TENM2: variants seen among roughly 807,000 people sequenced by gnomAD.
TENM2 encodes teneurin-2.
TENM2 carries 52 observed loss-of-function variants against 245.2 expected under a neutral mutation model. The observed-to-expected ratio is 0.21, with a 90% CI of 0.17 to 0.27. The LOEUF (loss-of-function observed/expected upper bound fraction) is 0.27, where lower values mean the gene tolerates loss of function less well. Among genes scored for constraint, TENM2 ranks in the 10% least tolerant of loss-of-function variants. The pLI is 1.00. For synonymous variants in TENM2, 1,363 were observed against 1,438.9 expected (o/e 0.95, Z 1.19); for missense variants, 3,046 against 3,666.8 (o/e 0.83, Z 4.37).
At chr5:167,997,489 T>C (rs1229679684) in intron 5 of TENM2, among the ~76,000 whole-genome samples, 2 of 152,204 alleles carry the variant, frequency 1.3e-5, no homozygotes, top group Non-Finnish European at 2.9e-5. Flanking sequence ...TCTTGTGTTA[T>C]AGAGGTCAGC....
At chr5:167,675,745 G>A (rs1343509273) in intron 2 of TENM2, among the ~76,000 whole-genome samples, 1 of 152,200 alleles carries the variant, frequency 6.6e-6, no homozygotes, top group East Asian at 1.9e-4. Context: ...AGCTCAAAGG[G>A]AGTAAATGAG....
chr5:168,122,349 T>A (rs1795527956), intron 10 of TENM2, among the ~76,000 whole-genome samples: 1 of 152,304 alleles, frequency 6.6e-6, no homozygotes, highest in East Asian at 1.9e-4. Flanking sequence ...GCTAATTTTT[T>A]GTATTTTTAG....
chr5:168,182,259 T>C (rs569519664), intron 13 of TENM2, among the ~76,000 whole-genome samples: 1 of 152,342 alleles, frequency 6.6e-6, no homozygotes, highest in South Asian at 2.1e-4. Flanking sequence ...TCAATTATCC[T>C]CACTTCCAAC....
chr5:168,048,621 T>C (rs763072326), intron 6 of TENM2, among the ~76,000 whole-genome samples: 9 of 152,310 alleles, frequency 5.9e-5, no homozygotes, highest in South Asian at 4.1e-4. Context: ...CTGTGCATCT[T>C]TGGGCAGGAG....
chr5:168,090,218 CCACACACACACACACACACA>C (rs3083413), intron 7 of TENM2, among the ~76,000 whole-genome samples: 2 of 136,722 alleles, frequency 1.5e-5, no homozygotes, highest in African/African-American at 5.5e-5. Flanking sequence ...ACTCCCCCCA[CCACACACACACACACACACA>C]CACACACACA....
the TENM2 span, among the ~76,000 whole-genome samples, chr5:167,007,078 T>C: frequency 7.3e-4 from 111 of 152,342 alleles, no homozygotes; most frequent in African/African-American, 2.5e-3. This position sits in a 1 kb window ranked among gnomAD's most constrained non-coding sequence, Gnocchi z 4.2. Flanking sequence ...TTAATGCATT[T>C]TAATTCATTT....
intron 13 of TENM2, among the ~76,000 whole-genome samples, chr5:168,183,798 T>C (rs1760141771): frequency 7.1e-6 from 1 of 141,282 alleles, no homozygotes; most frequent in South Asian, 2.2e-4. Context: ...TAGCTCTGTA[T>C]AGGTAAAAAA....
the TENM2 span, among the ~76,000 whole-genome samples, chr5:167,101,849 T>TTTATATATATATATATATATATA: frequency 2.9e-5 from 2 of 69,454 alleles, no homozygotes; most frequent in Non-Finnish European, 5.3e-5. Flanking sequence ...ATATATATAT[T>TTTATATATATATATATATATATA]TATATATATA....
intron 26 of TENM2, 29 bp from the exon 29 acceptor site, chr5:168,246,728 T>A (rs779944593): frequency 1.2e-6 from 2 of 1,603,252 alleles, no homozygotes; most frequent in South Asian, 2.2e-5. Flanking sequence ...AGCCAACTGA[T>A]ATGTTCTGTT....
At chr5:167,240,259 T>C in the TENM2 span, among the ~76,000 whole-genome samples, 1 of 142,644 alleles carries the variant, frequency 7.0e-6, no homozygotes, top group Non-Finnish European at 1.5e-5. Context: ...GTAGGTGGCC[T>C]TTTTTTTTTT....
chr5:168,062,215 G>A (rs764193780), exon 7 of TENM2: 1 of 1,613,570 alleles, frequency 6.2e-7, no homozygotes, highest in Non-Finnish European at 8.5e-7. Context: ...CGGGAAGGAC[G>A]CTCTCTTTGG....
chr5:166,987,072 C>T, the TENM2 span, among the ~76,000 whole-genome samples: 3 of 152,080 alleles, frequency 2.0e-5, no homozygotes, highest in Admixed American at 2.0e-4. Flanking sequence ...GATTTTTCAC[C>T]CAGCTATTCC....
the TENM2 span, among the ~76,000 whole-genome samples, chr5:167,148,290 T>A: frequency 2.0e-5 from 3 of 152,222 alleles, no homozygotes; most frequent in Non-Finnish European, 4.4e-5. Context: ...TGCATACTTT[T>A]TCCCCTATGA....
chr5:168,150,857 G>C (rs1173119086), intron 12 of TENM2, among the ~76,000 whole-genome samples: 1 of 152,124 alleles, frequency 6.6e-6, no homozygotes, highest in Non-Finnish European at 1.5e-5. Context: ...TTATGACCCT[G>C]GGAAAGTTAA....
chr5:167,069,069 AAAG>A, the TENM2 span, among the ~76,000 whole-genome samples: 1 of 152,134 alleles, frequency 6.6e-6, no homozygotes, highest in African/African-American at 2.4e-5. Flanking sequence ...TATTCATTAG[AAAG>A]AAGTCAACTA....
At chr5:167,455,162 T>G (rs1440757439) in intron 2 of TENM2, among the ~76,000 whole-genome samples, 1 of 152,192 alleles carries the variant, frequency 6.6e-6, no homozygotes, top group East Asian at 1.9e-4. Context: ...GACTCATTAA[T>G]GTTTAATTCT....
At chr5:166,990,764 G>C in the TENM2 span, among the ~76,000 whole-genome samples, 66 of 152,254 alleles carry the variant, frequency 4.3e-4, no homozygotes, top group Admixed American at 4.3e-3. Flanking sequence ...TTACTTTTCT[G>C]TTAAATAGTT....
intron 2 of TENM2, among the ~76,000 whole-genome samples, chr5:167,793,404 ATACT>A (rs1403752426): frequency 6.6e-6 from 1 of 152,182 alleles, no homozygotes; most frequent in Non-Finnish European, 1.5e-5. Flanking sequence ...ATTATGCTAA[ATACT>A]TAATAAATAT....
At chr5:167,340,515 T>G (rs148454471) in intron 1 of TENM2, among the ~76,000 whole-genome samples, 16 of 152,334 alleles carry the variant, frequency 1.1e-4, no homozygotes, top group Admixed American at 5.9e-4. Flanking sequence ...GAGAGAGGTT[T>G]GGTATCCCTT....
Sources: gnomAD v4.1 joint callset for allele counts (sites outside exome capture counted in the v4.1 genomes callset) on GRCh38, gnomAD v4.1.1 for gene constraint, Gnocchi (gnomAD v3.1) non-coding constraint, MANE v1.5 for transcripts, NCBI Gene and HGNC (gene_info 2026-07-23, HGNC 2026-07-21) for gene names.